ITGB6: variants seen among roughly 807,000 people sequenced by gnomAD.
ITGB6 encodes the protein integrin subunit beta 6.
Under a neutral mutation model 84.5 loss-of-function variants are expected in ITGB6, and 80 were observed. The observed-to-expected ratio is 0.95, with a 90% confidence interval of 0.79 to 1.14. The LOEUF (loss-of-function observed/expected upper bound fraction) is 1.14. ITGB6 is among the 50% of genes most tolerant of loss of function. The pLI is 0.00. For synonymous variants in ITGB6, 383 were observed against 354.9 expected (o/e 1.08, Z -0.89); for missense variants, 1,006 against 968.0 (o/e 1.04, Z -0.52).
Position 160,174,233 on chromosome 2 carries a change from G to A in ITGB6, c.594-94C>T, listed in dbSNP as rs576992440. 3 of 991,880 alleles carry A rather than the reference G, an allele frequency of 3.0e-6. No homozygotes were observed. In the African/African-American group the frequency reaches 4.9e-5, roughly 16 times the overall value. 61.4% of individuals were successfully genotyped at this position (991,880 alleles called of 1,614,324 possible). On this transcript the variant is annotated intron_variant, in intron 4 of 14. Coordinates refer to ENST00000283249, the MANE Select transcript of ITGB6 (RefSeq NM_000888.5). ...GCTTAGCAACATTCTCCTAAATGAA[G>A]ATTAGTTTTTCTAAAGGGCCTGACT...
chr2:160,110,846 TGGCCCCTGGAA>T lies in ITGB6; in HGVS notation c.2101+1223_2101+1233del, dbSNP rs1682470486. On this transcript the variant is annotated intron_variant, in intron 13 of 14. Transcript: ENST00000283249. ...CCTCTGGGGACAGGTTCTGCTCTGC[TGGCCCCTGGAA>T]GTGCCAGGCCTACCCAACCATGCGG... Among the ~76,000 whole-genome samples, 8 of 152,318 alleles carry T rather than the reference TGGCCCCTGGAA, an allele frequency of 5.3e-5. No homozygotes were observed. In the South Asian group the frequency reaches 1.7e-3, roughly 32 times the overall value.
At chr2:160,158,861 G>A (rs567778217) in intron 7 of ITGB6, among the ~76,000 whole-genome samples, 1 of 152,322 alleles carries the variant, frequency 6.6e-6, no homozygotes, top group South Asian at 2.1e-4. Flanking sequence ...AGCACTTTGG[G>A]AGGCTGAGGG....
At chr2:160,185,057 T>A (rs761406456) in intron 4 of ITGB6, among the ~76,000 whole-genome samples, 4 of 152,206 alleles carry the variant, frequency 2.6e-5, no homozygotes, top group Non-Finnish European at 1.5e-5. Context: ...GCATTCCCTT[T>A]GAAAACCTGC....
chr2:160,199,948 G>A, intron 1 of ITGB6, 55 bp downstream of exon 1: 1 of 1,343,966 alleles, frequency 7.4e-7, no homozygotes, highest in East Asian at 2.3e-5. Context: ...TGAACCAAAT[G>A]ACAGGTTTGT....
Position 160,137,560 on chromosome 2 carries a change from T to C in ITGB6, c.1534A>G (p.Ser512Gly). Reference protein sequence around the residue: ...CKEAPDHPSCSGRGDCYCGQC... With the variant: ...CKEAPDHPSCGGRGDCYCGQC... The stretch of plus-strand genomic sequence containing the variant: ...CCACAGTAGCAGTCACCCCTTCCGC[T>C]GCAGGAGGGATGATCTGGGGCCTCC... Residue 512 changes from serine (S) to glycine (G), a missense_variant, in exon 10 of 15, where the codon AGC (serine) becomes GGC (glycine). Ser to Gly is a moderately conservative substitution (Grantham distance 56). Transcript: ENST00000283249. The C allele has an allele frequency of 6.2e-7, 1 of 1,614,206 alleles. No homozygotes were observed. Among genetic ancestry groups the C allele is most frequent in the Non-Finnish European group, 8.5e-7 (1 of 1,180,014 alleles).
At chr2:160,147,667 A>AAT (rs1684251060) in intron 7 of ITGB6, among the ~76,000 whole-genome samples, 1 of 152,210 alleles carries the variant, frequency 6.6e-6, no homozygotes, top group Admixed American at 6.5e-5. Context: ...CCAGAAATAG[A>AAT]CCTACATAAA....
At chr2:160,120,754 C>G (rs1682997272) in intron 12 of ITGB6, among the ~76,000 whole-genome samples, 1 of 133,574 alleles carries the variant, frequency 7.5e-6, no homozygotes, top group South Asian at 2.4e-4. Context: ...AGTTCATGTC[C>G]TTTGTAGGGA....
chr2:160,187,737 C>T (rs1287362410), intron 4 of ITGB6, among the ~76,000 whole-genome samples: 1 of 152,090 alleles, frequency 6.6e-6, no homozygotes, highest in Admixed American at 6.6e-5. Flanking sequence ...TTCATAAAAA[C>T]ATATTACAGT....
chr2:160,156,294 C>T (rs1684620688), intron 7 of ITGB6, among the ~76,000 whole-genome samples: 1 of 152,044 alleles, frequency 6.6e-6, no homozygotes, highest in Non-Finnish European at 1.5e-5. Context: ...GACTCCTTGG[C>T]TCTCACAGGA....
At chr2:160,169,891 T>C (rs952326201) in intron 6 of ITGB6, among the ~76,000 whole-genome samples, 1 of 152,238 alleles carries the variant, frequency 6.6e-6, no homozygotes, top group Non-Finnish European at 1.5e-5. Flanking sequence ...TACAGGACAA[T>C]TGAAAACTAC....
At chr2:160,121,213 G>A (rs930663294) in intron 12 of ITGB6, among the ~76,000 whole-genome samples, 1 of 152,052 alleles carries the variant, frequency 6.6e-6, no homozygotes, top group Non-Finnish European at 1.5e-5. Flanking sequence ...TGTTTCCCAA[G>A]GAAAAAGTAA....
At chr2:160,134,639 C>T (rs955251941) in intron 10 of ITGB6, among the ~76,000 whole-genome samples, 6 of 152,152 alleles carry the variant, frequency 3.9e-5, no homozygotes, top group African/African-American at 9.7e-5. Context: ...TGATGAACAT[C>T]GGTGCAAAAA....
chr2:160,148,213 C>T (rs1329461044), intron 7 of ITGB6, among the ~76,000 whole-genome samples: 4 of 152,192 alleles, frequency 2.6e-5, no homozygotes, highest in Non-Finnish European at 5.9e-5. Context: ...AGATGCTCCA[C>T]ATTAAATGTC....
At chr2:160,107,569 GA>G in intron 14 of ITGB6, 109 bp downstream of exon 14, 1 of 996,260 alleles carries the variant, frequency 1.0e-6, no homozygotes, top group Non-Finnish European at 1.5e-6. Flanking sequence ...GAGTGGGAGA[GA>G]AAAAATGTGA....
chr2:160,136,365 C>T (rs1683715891), intron 10 of ITGB6, among the ~76,000 whole-genome samples: 1 of 152,192 alleles, frequency 6.6e-6, no homozygotes, highest in Admixed American at 6.5e-5. Flanking sequence ...CATCTTACAC[C>T]AGTTAGAATG....
Position 160,112,072 on chromosome 2 carries a change from A to G in ITGB6, c.2101+8T>C. 6.2e-7 allele frequency: 1 copy of G among 1,611,630 alleles called. No homozygotes were observed. On this transcript the variant is annotated splice_region_variant and intron_variant, in intron 13 of 14. Transcript: ENST00000283249. ...TTTGCCATCGGCAATGGAAGGCAAAACACCCACCTTTTTCATTGATGCTGT... is the reference window on the plus strand; with the variant it reads ...TTTGCCATCGGCAATGGAAGGCAAAGCACCCACCTTTTTCATTGATGCTGT...
rs60689813 is a variant in ITGB6, at chr2:160,130,625, T to A, written c.1661-4024A>T. Among the ~76,000 whole-genome samples the A allele has an allele frequency of 8.6e-3, 1,317 of 152,306 alleles. 24 individuals carry two copies. The highest frequency in any genetic ancestry group is 0.031 in the African/African-American group (1,274 of 41,556). On this transcript the variant is annotated intron_variant, in intron 10 of 14. Transcript: ENST00000283249. Reference sequence around the variant, plus strand: ...GTTTCATAACCTATACAATTTATAATTGACATAATTAATTCAAAGCAAAGA... The same window carrying A: ...GTTTCATAACCTATACAATTTATAAATGACATAATTAATTCAAAGCAAAGA...
intron 13 of ITGB6, 132 bp from the exon 14 acceptor site, chr2:160,107,977 T>A: frequency 4.2e-6 from 3 of 707,430 alleles, no homozygotes; most frequent in Non-Finnish European, 6.8e-6. Context: ...TCGCCTTGCT[T>A]AAATTTTAAA....
At chr2:160,126,234 C>T (rs190637119) in intron 11 of ITGB6, 145 bp downstream of exon 11, 1 of 673,804 alleles carries the variant, frequency 1.5e-6, no homozygotes, top group Non-Finnish European at 2.6e-6. Flanking sequence ...ATCACAGAGG[C>T]CCTGTGGGTT....
Sources: allele counts gnomAD v4.1 joint callset (sites outside exome capture counted in the v4.1 genomes callset), GRCh38; gene constraint gnomAD v4.1.1; transcripts MANE v1.5; gene names NCBI Gene and HGNC (gene_info 2026-07-23, HGNC 2026-07-21).